Variants in ZDHHC21 observed in about 807,000 individuals in gnomAD.
ZDHHC21 encodes the protein zDHHC palmitoyltransferase 21, also known as palmitoyltransferase ZDHHC21.
A neutral mutation model predicts 34.6 loss-of-function variants in ZDHHC21; 15 were observed. That is an observed-to-expected ratio of 0.43 (90% CI 0.29 to 0.67). ZDHHC21 has a LOEUF of 0.67. Among genes scored for constraint, ZDHHC21 ranks in the 30% least tolerant of loss-of-function variants. The probability of loss-of-function intolerance (pLI) is 0.14; values close to 1 mark genes in which losing one functional copy is unlikely to be tolerated. For synonymous variants in ZDHHC21, 142 were observed against 101.8 expected (o/e 1.40, Z -2.38); for missense variants, 344 against 327.7 (o/e 1.05, Z -0.38).
intron 5 of ZDHHC21, among the ~76,000 whole-genome samples, chr9:14,667,486 C>T (rs1285345349): frequency 6.7e-6 from 1 of 149,332 alleles, no homozygotes; most frequent in Non-Finnish European, 1.5e-5. Context: ...GGGAATCCTC[C>T]CTAACTCATT....
intron 7 of ZDHHC21, among the ~76,000 whole-genome samples, chr9:14,648,210 C>T (rs770099091): frequency 9.9e-5 from 15 of 152,110 alleles, no homozygotes; most frequent in Non-Finnish European, 2.1e-4. Flanking sequence ...CACTTGTAAA[C>T]GCTTCTACCA....
At chr9:14,624,481 G>A (rs1044488724) in intron 8 of ZDHHC21, among the ~76,000 whole-genome samples, 5 of 151,796 alleles carry the variant, frequency 3.3e-5, no homozygotes, top group Non-Finnish European at 4.4e-5. Flanking sequence ...AATACTAATC[G>A]GCCAAAAAAA....
intron 8 of ZDHHC21, among the ~76,000 whole-genome samples, chr9:14,630,307 C>A (rs1827105823): frequency 6.6e-6 from 1 of 152,174 alleles, no homozygotes; most frequent in Non-Finnish European, 1.5e-5. Flanking sequence ...CTCAAAACAC[C>A]ACTTTTTGGG....
intron 5 of ZDHHC21, among the ~76,000 whole-genome samples, chr9:14,669,529 A>G (rs1320739138): frequency 6.6e-6 from 1 of 151,708 alleles, no homozygotes; most frequent in African/African-American, 2.4e-5. Flanking sequence ...ACTATAAATC[A>G]TGCTGCTATA....
intron 8 of ZDHHC21, among the ~76,000 whole-genome samples, chr9:14,638,012 A>C (rs1406511924): frequency 6.6e-6 from 1 of 152,084 alleles, no homozygotes. Context: ...TTTTCATACA[A>C]TTAGAGAAAA....
the ZDHHC21 span, chr9:14,594,130 C>T: frequency 6.6e-6 from 1 of 152,110 alleles, no homozygotes; most frequent in Non-Finnish European, 1.5e-5. Context: ...AACCCCAGTT[C>T]CATGGAAAAG....
rs527554683 is a variant in ZDHHC21 at position 14,644,819 on chromosome 9, TACACAC to T, written c.505-4813_505-4808del. Among the ~76,000 whole-genome samples the T allele has an allele frequency of 2.8e-5, 4 of 142,742 alleles. No homozygotes were observed. The South Asian group carries it at 8.7e-4, about 31-fold the overall frequency. 93.6% of individuals were successfully genotyped at this position (142,742 alleles called of 152,430 possible). A position where few individuals can be genotyped will look rare whatever the true frequency, so the allele number is the denominator to read the frequency against. ...ATATATATACACACATACATATGTA[TACACAC>T]ACACACACACACATATATATATATA... On this transcript the variant is annotated intron_variant, in intron 7 of 9. Coordinates refer to ENST00000380916, the MANE Select transcript of ZDHHC21 (RefSeq NM_178566.6).
intron 8 of ZDHHC21, among the ~76,000 whole-genome samples, chr9:14,621,469 G>C (rs1489676594): frequency 6.6e-6 from 1 of 151,918 alleles, no homozygotes; most frequent in Non-Finnish European, 1.5e-5. Flanking sequence ...TACCTTTCTT[G>C]AATCTGTTTT....
At chr9:14,621,094 G>C (rs892747362) in intron 8 of ZDHHC21, among the ~76,000 whole-genome samples, 1 of 151,974 alleles carries the variant, frequency 6.6e-6, no homozygotes, top group Non-Finnish European at 1.5e-5. Flanking sequence ...TGGTTTCTTA[G>C]AGTTTTGATA....
At position 14,618,945 on chromosome 9, in the gene ZDHHC21, C is replaced by T. The variant is rs371401840; in HGVS notation, c.*21G>A. The T allele has an allele frequency of 3.2e-6, 5 of 1,576,154 alleles. No individual in the cohort carries two copies. The African/African-American group carries it at 6.8e-5, about 22-fold the overall frequency. On this transcript the variant is annotated 3_prime_UTR_variant, in exon 10 of 10. Transcript: ENST00000380916. ...CGCATTGCCAGCATGGAGGACCCAT[C>T]TGTGCCCACCATCCATCTGTTTAGA...
At position 14,693,351 on chromosome 9, in the gene ZDHHC21, C is replaced by T. The variant is rs1453415649; in HGVS notation, c.-347G>A. On this transcript the variant is annotated 5_prime_UTR_variant, in exon 1 of 10. Coordinates refer to ENST00000380916, the MANE Select transcript of ZDHHC21 (RefSeq NM_178566.6). ...GCCGCCCAGGCCGGGCCGCTCTCCC[C>T]TTCCGCTTCCGGGAGCCTGAGGGCC... The T allele has an allele frequency of 9.8e-6, 4 of 408,290 alleles. No individual in the cohort carries two copies. Among genetic ancestry groups the T allele is most frequent in the South Asian group, 1.7e-5 (1 of 59,464 alleles). The allele number at this position is 408,290 out of a possible 1,614,324, so 25.3% of individuals were successfully genotyped here.
intron 7 of ZDHHC21, among the ~76,000 whole-genome samples, chr9:14,654,307 A>G (rs1459226932): frequency 6.6e-6 from 1 of 152,074 alleles, no homozygotes; most frequent in Non-Finnish European, 1.5e-5. Context: ...AAACTGCTAT[A>G]TTAAGACCAA....
the ZDHHC21 span, among the ~76,000 whole-genome samples, chr9:14,595,709 A>G: frequency 1.3e-5 from 2 of 152,220 alleles, no homozygotes; most frequent in Non-Finnish European, 2.9e-5. Flanking sequence ...GTAAGAAGAC[A>G]ACCCAATTAA....
At chr9:14,633,880 T>C (rs1256357508) in intron 8 of ZDHHC21, among the ~76,000 whole-genome samples, 3 of 152,178 alleles carry the variant, frequency 2.0e-5, no homozygotes, top group Non-Finnish European at 4.4e-5. Flanking sequence ...GTAGCAGGGC[T>C]GCAATGGATG....
chr9:14,692,775 T>C (rs954900171), intron 1 of ZDHHC21, among the ~76,000 whole-genome samples: 2 of 151,430 alleles, frequency 1.3e-5, no homozygotes, highest in African/African-American at 4.9e-5. Context: ...ACACCAGAAG[T>C]CTGGAATGAA....
At chr9:14,634,043 C>A (rs1827835090) in intron 8 of ZDHHC21, among the ~76,000 whole-genome samples, 1 of 152,178 alleles carries the variant, frequency 6.6e-6, no homozygotes, top group Non-Finnish European at 1.5e-5. Flanking sequence ...CATACCCAAA[C>A]TCCAGTACCC....
At chr9:14,662,153 T>A in intron 6 of ZDHHC21, 62 bp downstream of exon 6, 1 of 1,221,982 alleles carries the variant, frequency 8.2e-7, no homozygotes, top group South Asian at 1.5e-5. Flanking sequence ...AGCTGCCAAG[T>A]TGTAAGATTT....
intron 2 of ZDHHC21, among the ~76,000 whole-genome samples, chr9:14,682,546 C>T (rs1837571100): frequency 6.6e-6 from 1 of 152,118 alleles, no homozygotes; most frequent in Non-Finnish European, 1.5e-5. Flanking sequence ...AAAGCAAGTC[C>T]TTAGAGACCT....
chr9:14,619,540 C>A, intron 9 of ZDHHC21, 99 bp downstream of exon 9: 1 of 1,002,670 alleles, frequency 1.0e-6, no homozygotes, highest in East Asian at 3.0e-5. Context: ...AAGAAAAAGC[C>A]ATCATTATAT....
Sources: allele counts gnomAD v4.1 joint callset (sites outside exome capture counted in the v4.1 genomes callset), GRCh38; gene constraint gnomAD v4.1.1; transcripts MANE v1.5; gene names NCBI Gene and HGNC (gene_info 2026-07-23, HGNC 2026-07-21).